The following THUMPD2 variants were observed in gnomAD, a reference collection of about 807,000 sequenced individuals.
THUMPD2 encodes U6 snRNA (guanine-N(2))-methyltransferase THUMPD2.
A neutral mutation model predicts 49.4 loss-of-function variants in THUMPD2; 56 were observed. The observed-to-expected ratio is 1.13, with a 90% CI of 0.91 to 1.41. The LOEUF (loss-of-function observed/expected upper bound fraction) is 1.41, where lower values mean the gene tolerates loss of function less well. Among genes scored for constraint, THUMPD2 ranks in the 40% most tolerant of loss-of-function variants. THUMPD2 has a pLI of 0.00. For missense variants in THUMPD2, 709 were observed against 594.5 expected (o/e 1.19, Z -2.00); for synonymous variants, 237 against 205.2 (o/e 1.15, Z -1.32).
intron 8 of THUMPD2, chr2:39,744,723 A>C (rs1674344938): frequency 7.3e-6 from 2 of 272,228 alleles, no homozygotes; most frequent in Non-Finnish European, 1.4e-5. Flanking sequence ...TAAGTTAAGC[A>C]GAATTTTACA....
chr2:39,752,365 G>A (rs1282824857), intron 8 of THUMPD2, among the ~76,000 whole-genome samples: 1 of 152,222 alleles, frequency 6.6e-6, no homozygotes, highest in East Asian at 1.9e-4. Context: ...TATACTTGGT[G>A]TGACTCTTAA....
intron 9 of THUMPD2, among the ~76,000 whole-genome samples, chr2:39,742,646 T>C (rs187666890): frequency 4.1e-4 from 62 of 152,240 alleles, no homozygotes; most frequent in Admixed American, 4.0e-3. Flanking sequence ...TCACCATGAA[T>C]TGGTTAAAGG....
chr2:39,775,545 G>C (rs1038340810), intron 1 of THUMPD2, among the ~76,000 whole-genome samples: 2 of 151,984 alleles, frequency 1.3e-5, no homozygotes, highest in African/African-American at 4.8e-5. Flanking sequence ...CAAGGCGGGT[G>C]GATCACTTGA....
chr2:39,751,676 A>G (rs1572785987), intron 8 of THUMPD2, among the ~76,000 whole-genome samples: 1 of 144,388 alleles, frequency 6.9e-6, no homozygotes, highest in East Asian at 2.1e-4. Flanking sequence ...TATTCATATT[A>G]AAAGATTTTT....
intron 8 of THUMPD2, among the ~76,000 whole-genome samples, chr2:39,751,804 C>G (rs1337110840): frequency 6.6e-6 from 1 of 151,646 alleles, no homozygotes; most frequent in Non-Finnish European, 1.5e-5. Flanking sequence ...TCTGCCTTCC[C>G]CTCCCAAGTA....
At position 39,774,210 on chromosome 2, in the gene THUMPD2, G is replaced by A. The variant is rs780536984; in HGVS notation, c.127-2570C>T. Among the ~76,000 whole-genome samples the A allele has an allele frequency of 6.8e-4, 103 of 152,140 alleles. 1 individual carries two copies. The highest frequency in any genetic ancestry group is 1.7e-3 in the Admixed American group (26 of 15,284). On this transcript the variant is annotated intron_variant, in intron 1 of 9. Transcript: ENST00000505747. ...ATAGGATCTGGCCAGTGAAAACCCT[G>A]GAATAACTTAACTGGAACAGTTGGA... is the stretch of plus-strand genomic sequence containing the variant.
chr2:39,738,234 A>G (rs888470176), intron 9 of THUMPD2, among the ~76,000 whole-genome samples: 3 of 152,192 alleles, frequency 2.0e-5, no homozygotes, highest in African/African-American at 7.2e-5. Context: ...AAGCCAAAGA[A>G]GTACAGTTTC....
rs1350548913 is a variant in THUMPD2 at position 39,769,976 on chromosome 2, T to G, written c.406A>C (p.Lys136Gln). Reference protein sequence around the residue: ...SQRDDNQLKRKVGENEIIAKK... With the variant: ...SQRDDNQLKRQVGENEIIAKK... ...GCAATGATTTCATTTTCTCCCACTT[T>G]TCTTTTTAGTTGGTTATCATCTCTC... Residue 136 changes from lysine (K) to glutamine (Q), a missense_variant, in exon 3 of 10, where the codon AAA becomes CAA. By Grantham distance (53) the Lys-to-Gln change is moderately conservative. Transcript: ENST00000505747. 2 of 1,581,356 alleles carry G rather than the reference T, an allele frequency of 1.3e-6. No individual in the cohort carries two copies. Among genetic ancestry groups the G allele is most frequent in the Non-Finnish European group, 1.7e-6 (2 of 1,171,342 alleles).
At chr2:39,774,515 C>T (rs1678810657) in intron 1 of THUMPD2, among the ~76,000 whole-genome samples, 1 of 152,118 alleles carries the variant, frequency 6.6e-6, no homozygotes, top group South Asian at 2.1e-4. Flanking sequence ...TGAGGACTTA[C>T]TGTAGTTTAA....
At chr2:39,768,230 G>C (rs559598446) in intron 4 of THUMPD2, among the ~76,000 whole-genome samples, 194 bp downstream of exon 4, 47 of 152,150 alleles carry the variant, frequency 3.1e-4, no homozygotes, top group South Asian at 6.2e-4. Context: ...GTTTGCATAA[G>C]ACATTTTCTC....
At chr2:39,769,645 T>G in intron 3 of THUMPD2, 65 bp downstream of exon 3, 19 of 1,430,908 alleles carry the variant, frequency 1.3e-5, no homozygotes, top group Non-Finnish European at 1.6e-5. Flanking sequence ...GAGGTTGCAG[T>G]GAGCCAGATT....
Position 39,762,653 on chromosome 2 carries a change from G to A in THUMPD2, c.804-1235C>T, listed in dbSNP as rs546665698. ...AACACTATAAAATATTTTGGCCAGT[G>A]AATTTTGCTTCTACGGGGTAAGCTT... is the stretch of plus-strand genomic sequence containing the variant. On this transcript the variant is annotated intron_variant, in intron 5 of 9. Transcript: ENST00000505747. Among the ~76,000 whole-genome samples, 13 of 151,590 alleles carry A rather than the reference G, an allele frequency of 8.6e-5. No individual in the cohort carries two copies. The East Asian group carries it at 2.3e-3, about 27-fold the overall frequency.
intron 6 of THUMPD2, chr2:39,757,333 G>T: frequency 8.2e-7 from 1 of 1,223,818 alleles, no homozygotes; most frequent in Non-Finnish European, 1.1e-6. Context: ...AGAGTCCTCA[G>T]TGCACAGCCA....
chr2:39,742,051 T>C (rs991533183), intron 9 of THUMPD2, among the ~76,000 whole-genome samples: 1 of 152,270 alleles, frequency 6.6e-6, no homozygotes, highest in East Asian at 1.9e-4. Context: ...GTATTAAAGA[T>C]AGGCAAGTGG....
At chr2:39,761,155 T>C (rs1000134730) in intron 6 of THUMPD2, among the ~76,000 whole-genome samples, 176 bp downstream of exon 6, 8 of 151,920 alleles carry the variant, frequency 5.3e-5, no homozygotes, top group Admixed American at 1.3e-4. Context: ...AGTTCAATAA[T>C]ATATAAAAGC....
In THUMPD2 at chr2:39,736,726, G is replaced by A. The variant is rs1411798967; in HGVS notation, c.*9C>T. Reference sequence around the variant, plus strand: ...AAGGGCCTGAACCCGGCTGATGGCAGCAAGCCTGCTACAGTCCAGAAGAGT... The same window carrying A: ...AAGGGCCTGAACCCGGCTGATGGCAACAAGCCTGCTACAGTCCAGAAGAGT... On this transcript the variant is annotated 3_prime_UTR_variant, in exon 10 of 10. Transcript: ENST00000505747. The A allele has an allele frequency of 6.2e-7, 1 of 1,606,974 alleles. No individual in the cohort carries two copies. Among genetic ancestry groups the A allele is most frequent in the Non-Finnish European group, 8.5e-7 (1 of 1,175,210 alleles).
intron 8 of THUMPD2, among the ~76,000 whole-genome samples, chr2:39,747,804 G>A (rs768119415): frequency 6.6e-6 from 1 of 152,052 alleles, no homozygotes; most frequent in Non-Finnish European, 1.5e-5. Flanking sequence ...CATTGACAGT[G>A]CCTTTGACAA....
rs1367208032 is a variant in THUMPD2 at position 39,755,292 on chromosome 2, T to TA, written c.1078+2dup. On this transcript the variant is annotated splice_region_variant and intron_variant, in intron 8 of 9. Transcript: ENST00000505747. Reference sequence around the variant, plus strand: ...CAATTGTTTTGCATTTTTAGTATCTTACCTATAACAGAGATTTTAAGTAAT... The same window carrying TA: ...CAATTGTTTTGCATTTTTAGTATCTTAACCTATAACAGAGATTTTAAGTAAT... 1 of 1,521,716 alleles carries TA rather than the reference T, an allele frequency of 6.6e-7. No individual in the cohort carries two copies. The highest frequency in any genetic ancestry group is 8.8e-7 in the Non-Finnish European group (1 of 1,136,754). The allele number at this position is 1,521,716 out of a possible 1,614,324, so 94.3% of individuals were successfully genotyped here.
At chr2:39,771,675 G>C (rs1293682565) in intron 1 of THUMPD2, 35 bp from the exon 2 acceptor site, 28 of 1,572,586 alleles carry the variant, frequency 1.8e-5, no homozygotes, top group African/African-American at 2.8e-5. Context: ...ATGTAGTCCA[G>C]TGTCAGTGAA....
Sources: allele counts gnomAD v4.1 joint callset (sites outside exome capture counted in the v4.1 genomes callset), GRCh38; gene constraint gnomAD v4.1.1; transcripts MANE v1.5; gene names NCBI Gene and HGNC (gene_info 2026-07-23, HGNC 2026-07-21).